The following GALNT5 variants were observed in gnomAD, a reference collection of about 807,000 sequenced individuals.
GALNT5 encodes UDP-GalNAc:polypeptide N-acetylgalactosaminyltransferase 5.
GALNT5 carries 72 observed loss-of-function variants against 85.4 expected under a neutral mutation model. The ratio of observed to expected loss-of-function variants is 0.84; its 90% confidence interval spans 0.70 to 1.03. The LOEUF is 1.03. GALNT5 is among the 50% of genes least tolerant of loss of function. The probability of loss-of-function intolerance (pLI) is 0.00; values close to 1 mark genes in which losing one functional copy is unlikely to be tolerated. For synonymous variants in GALNT5, 404 were observed against 397.0 expected, an observed-to-expected ratio of 1.02 and a Z score of -0.21; for missense variants, 1,137 against 1,135.5, an observed-to-expected ratio of 1.00 and a Z score of -0.02.
At chr2:157,304,449 A>C (rs1005131715) in intron 7 of GALNT5, among the ~76,000 whole-genome samples, 4 of 152,232 alleles carry the variant, frequency 2.6e-5, no homozygotes, top group African/African-American at 9.6e-5. Flanking sequence ...GTTCCTATCC[A>C]AGGCAGGTGG....
intron 3 of GALNT5, among the ~76,000 whole-genome samples, chr2:157,292,886 T>C (rs145630130): frequency 1.3e-5 from 2 of 152,264 alleles, no homozygotes; most frequent in African/African-American, 2.4e-5. Context: ...GTATTTTTAG[T>C]AGAGATGGGG....
intron 1 of GALNT5, among the ~76,000 whole-genome samples, chr2:157,275,727 T>C (rs1682709211): frequency 1.3e-5 from 2 of 152,248 alleles, no homozygotes; most frequent in South Asian, 2.1e-4. Flanking sequence ...GATTTTGGGC[T>C]GAAACAATGG....
Position 157,259,072 on chromosome 2 carries a change from G to A in GALNT5, c.990G>A (p.Glu330=). 2 of 1,476,176 alleles carry A rather than the reference G, an allele frequency of 1.4e-6. No individual in the cohort carries two copies. Among genetic ancestry groups the A allele is most frequent in the Non-Finnish European group, 1.8e-6 (2 of 1,111,674 alleles). The allele number at this position is 1,476,176 out of a possible 1,614,324, so 91.4% of individuals were successfully genotyped here. The change falls in exon 1 of 10, where the codon GAG becomes GAA. Residue 330 remains glutamate, a synonymous_variant. Transcript: ENST00000259056. ...TTGTGATTATAACCAAAGAGGAAGA[G>A]CAAAAGGCAGACCCCAAAGAGGTCT... is the stretch of plus-strand genomic sequence containing the variant. ...SHLVIITKEE[E]QKADPKEVSN... is the part of the protein sequence containing the mutation.
In GALNT5 at chr2:157,317,257, C is replaced by T. The variant is rs1683735668; in HGVS notation, c.*5909C>T. 6.7e-6 allele frequency among the ~76,000 whole-genome samples: 1 copy of T among 148,248 alleles called. No homozygotes were observed. Among genetic ancestry groups the T allele is most frequent in the Admixed American group, 6.7e-5 (1 of 14,824 alleles). On this transcript the variant is annotated 3_prime_UTR_variant, in exon 10 of 10. Transcript: ENST00000259056. ...AAATATCAAGAGTTTCTATTCACAA[C>T]ATAAAGAAAATAAAATGTTTTTAGA...
At position 157,259,143 on chromosome 2, in the gene GALNT5, G is replaced by A. The variant is rs1369802441; in HGVS notation, c.1061G>A (p.Ser354Asn). 2.0e-6 allele frequency: 3 copies of A among 1,490,786 alleles called. No individual in the cohort carries two copies. The highest frequency in any genetic ancestry group is 3.0e-5 in the South Asian group (2 of 66,522). 92.3% of individuals were successfully genotyped at this position (1,490,786 alleles called of 1,614,324 possible). A position where few individuals can be genotyped will look rare whatever the true frequency, so the allele number is the denominator to read the frequency against. The change falls in exon 1 of 10, where the codon AGC becomes AAC. Residue 354 changes from serine (S) to asparagine (N), a missense_variant. Transcript: ENST00000259056. ...KTIFPKVLGK[S>N]QSKHISRNRS... ...ATATTTCCTAAAGTATTGGGTAAAAGCCAAAGTAAACACATTTCCAGGAAT... is the reference window on the plus strand; with the variant it reads ...ATATTTCCTAAAGTATTGGGTAAAAACCAAAGTAAACACATTTCCAGGAAT...
chr2:157,302,340 A>C (rs1220328806), intron 7 of GALNT5: 1 of 152,122 alleles, frequency 6.6e-6, no homozygotes, highest in East Asian at 1.9e-4. Flanking sequence ...ACTAGTCTTA[A>C]AAAAATGGTT....
Position 157,317,201 on chromosome 2 carries a change from T to A in GALNT5, c.*5853T>A, listed in dbSNP as rs868201062. 8.2e-4 allele frequency among the ~76,000 whole-genome samples: 114 copies of A among 139,676 alleles called. No individual in the cohort carries two copies. Among genetic ancestry groups the A allele is most frequent in the African/African-American group, 2.3e-3 (79 of 34,070 alleles). 91.6% of individuals were successfully genotyped at this position (139,676 alleles called of 152,430 possible). A position where few individuals can be genotyped will look rare whatever the true frequency, so the allele number is the denominator to read the frequency against. On this transcript the variant is annotated 3_prime_UTR_variant, in exon 10 of 10. Coordinates refer to ENST00000259056, the MANE Select transcript of GALNT5 (RefSeq NM_014568.3). ...ATATATATATATATATATATATATT[T>A]TTTTTTTTGATGCTTTGATCTGGAA...
chr2:157,268,210 G>T (rs1308122758), intron 1 of GALNT5, among the ~76,000 whole-genome samples: 1 of 152,176 alleles, frequency 6.6e-6, no homozygotes, highest in South Asian at 2.1e-4. Flanking sequence ...AGAAATGAGA[G>T]AATGTTATCA....
At chr2:157,305,619 G>A (rs13414809) in intron 7 of GALNT5, 130 bp from the exon 8 acceptor site, 7,537 of 616,968 alleles carry the variant, frequency 0.012, 302 homozygotes, top group African/African-American at 0.1. Flanking sequence ...ACTGGATAGT[G>A]CTAAGTAATG....
intron 1 of GALNT5, among the ~76,000 whole-genome samples, chr2:157,264,446 CG>C (rs1206914583): frequency 6.6e-6 from 1 of 152,138 alleles, no homozygotes; most frequent in East Asian, 1.9e-4. Flanking sequence ...GTCCTCATAA[CG>C]TTACTCAACT....
At chr2:157,264,253 T>C (rs1228548274) in intron 1 of GALNT5, among the ~76,000 whole-genome samples, 2 of 152,018 alleles carry the variant, frequency 1.3e-5, no homozygotes, top group Non-Finnish European at 2.9e-5. Flanking sequence ...GCAGTTCTAC[T>C]TGGAGAAGTC....
chr2:157,258,432 C>T lies in GALNT5; in HGVS notation c.350C>T (p.Ala117Val), dbSNP rs1313676454. 4 of 1,608,670 alleles carry T rather than the reference C, an allele frequency of 2.5e-6. No individual in the cohort carries two copies. Among genetic ancestry groups the T allele is most frequent in the East Asian group, 4.5e-5 (2 of 44,760 alleles). ...QTQRERKMQN[A>V]LGRGKVVPLW... ...CAGAGGGAAAGAAAAATGCAGAATG[C>T]CCTGGGAAGGGGCAAGGTTGTGCCG... Residue 117 changes from alanine (A) to valine (V), a missense_variant, in exon 1 of 10, where the codon GCC (alanine) becomes GTC (valine). Physicochemically the swap from Ala to Val is moderately conservative, Grantham distance 64. Transcript: ENST00000259056.
At position 157,258,529 on chromosome 2, in the gene GALNT5, C is replaced by T. The variant is rs1429026290; in HGVS notation, c.447C>T (p.Thr149=). The T allele has an allele frequency of 1.2e-6, 2 of 1,612,180 alleles. No homozygotes were observed. Among genetic ancestry groups the T allele is most frequent in the South Asian group, 2.2e-5 (2 of 90,878 alleles). The change falls in exon 1 of 10, where the codon ACC becomes ACT. Residue 149 remains threonine (T), a synonymous_variant. Coordinates refer to ENST00000259056, the MANE Select transcript of GALNT5 (RefSeq NM_014568.3). ...AGCAGAAGACAGACGGGAGAGGCAC[C>T]AAACCTGAAGCCTCCTCTCACCAGG... The part of the protein sequence containing the change: ...PNKQKTDGRG[T]KPEASSHQGT...
intron 1 of GALNT5, among the ~76,000 whole-genome samples, chr2:157,278,205 C>T (rs1026170795): frequency 6.6e-6 from 1 of 152,188 alleles, no homozygotes; most frequent in Non-Finnish European, 1.5e-5. Flanking sequence ...TTAGTCTGAT[C>T]GGCTTCCCTT....
chr2:157,301,895 G>A (rs1683351288), intron 7 of GALNT5, among the ~76,000 whole-genome samples: 1 of 152,200 alleles, frequency 6.6e-6, no homozygotes, highest in Non-Finnish European at 1.5e-5. Context: ...AGATAAGGTA[G>A]CCAGAGTACA....
intron 3 of GALNT5, among the ~76,000 whole-genome samples, chr2:157,295,157 T>TC (rs144054226): frequency 0.1 from 15,210 of 152,054 alleles, 2,129 homozygotes; most frequent in African/African-American, 0.31. Context: ...AACCTCCCAT[T>TC]CCCCACTCCT....
intron 7 of GALNT5, chr2:157,301,586 TGAA>T (rs1395668107): frequency 6.5e-6 from 1 of 154,116 alleles, no homozygotes; most frequent in Non-Finnish European, 1.4e-5. Flanking sequence ...TGTCAGGGTG[TGAA>T]GGAGGGAAGA....
rs1337562169 is a variant in GALNT5, at chr2:157,316,314, G to A, written c.*4966G>A. 6.6e-6 allele frequency among the ~76,000 whole-genome samples: 1 copy of A among 150,722 alleles called. No individual in the cohort carries two copies. Among genetic ancestry groups the A allele is most frequent in the African/African-American group, 2.4e-5 (1 of 40,994 alleles). ...TTTTGTTAGAAAATAAGTGGCTTGG[G>A]GGCTGCTTTTTATTAAAGGAAAAAT... is the stretch of plus-strand genomic sequence containing the variant. On this transcript the variant is annotated 3_prime_UTR_variant, in exon 10 of 10. Transcript: ENST00000259056.
At chr2:157,262,802 G>C (rs907667252) in intron 1 of GALNT5, among the ~76,000 whole-genome samples, 7 of 141,812 alleles carry the variant, frequency 4.9e-5, no homozygotes, top group Non-Finnish European at 7.6e-5. Flanking sequence ...AAAATGTTAA[G>C]ATTCAATTTC....
Sources: gnomAD v4.1 joint callset for allele counts (sites outside exome capture counted in the v4.1 genomes callset) on GRCh38, gnomAD v4.1.1 for gene constraint, MANE v1.5 for transcripts, NCBI Gene and HGNC (gene_info 2026-07-23, HGNC 2026-07-21) for gene names.